The following DIS3L2 variants were observed in gnomAD, a reference collection of about 807,000 sequenced individuals.
The protein encoded by DIS3L2 is DIS3 like 3'-5' exoribonuclease 2.
DIS3L2 carries 34 observed loss-of-function variants against 97.5 expected under a neutral mutation model. The observed-to-expected ratio is 0.35, with a 90% confidence interval of 0.27 to 0.46. The LOEUF is 0.46. DIS3L2 is among the 20% of genes least tolerant of loss of function. The pLI, the probability that DIS3L2 is intolerant of heterozygous loss-of-function variation, is 1.00. For missense variants in DIS3L2, 1,038 were observed against 1,146.0 expected (o/e 0.91, Z 1.36); for synonymous variants, 435 against 445.2 (o/e 0.98, Z 0.29).
At chr2:231,981,148 T>C (rs1361506669) in intron 1 of DIS3L2, among the ~76,000 whole-genome samples, 1 of 152,138 alleles carries the variant, frequency 6.6e-6, no homozygotes, top group Non-Finnish European at 1.5e-5. Flanking sequence ...TTCTCCATGT[T>C]GGGCAGGCTA....
chr2:232,338,101 C>G (rs1371172779), downstream of DIS3L2, among the ~76,000 whole-genome samples: 3 of 152,044 alleles, frequency 2.0e-5, no homozygotes, highest in African/African-American at 7.2e-5. Flanking sequence ...GGGTGCTGCC[C>G]CAGCCCAGGC....
intron 5 of DIS3L2, among the ~76,000 whole-genome samples, chr2:232,057,116 G>A (rs1695567003): frequency 6.6e-6 from 1 of 152,170 alleles, no homozygotes; most frequent in African/African-American, 2.4e-5. Flanking sequence ...CAGCAATTAA[G>A]TATGAATCTA....
At chr2:232,253,487 TAGCAC>T (rs1375240810) in intron 12 of DIS3L2, among the ~76,000 whole-genome samples, 1 of 152,172 alleles carries the variant, frequency 6.6e-6, no homozygotes, top group African/African-American at 2.4e-5. Context: ...TTAATATACA[TAGCAC>T]ACAGAAAAAC....
chr2:232,250,237 G>C (rs984134693), intron 12 of DIS3L2, among the ~76,000 whole-genome samples: 1 of 152,120 alleles, frequency 6.6e-6, no homozygotes, highest in South Asian at 2.1e-4. Context: ...AGTAAAAAAA[G>C]ATATTTAATT....
intron 1 of DIS3L2, among the ~76,000 whole-genome samples, chr2:231,976,893 G>T (rs927836332): frequency 6.8e-6 from 1 of 148,000 alleles, no homozygotes; most frequent in Non-Finnish European, 1.5e-5. Flanking sequence ...TCAGCCTCCC[G>T]AGTAGCTGGG....
intron 1 of DIS3L2, among the ~76,000 whole-genome samples, chr2:231,979,454 A>G (rs916114762): frequency 3.3e-5 from 5 of 151,984 alleles, no homozygotes; most frequent in Non-Finnish European, 7.4e-5. Flanking sequence ...ATGGGGTTTC[A>G]CCATGTTGCC....
At chr2:232,200,639 A>G (rs1417144915) in intron 9 of DIS3L2, among the ~76,000 whole-genome samples, 2 of 152,196 alleles carry the variant, frequency 1.3e-5, no homozygotes, top group Non-Finnish European at 2.9e-5. Flanking sequence ...AATTGGGGGC[A>G]GGAAAAAACT....
intron 14 of DIS3L2, among the ~76,000 whole-genome samples, chr2:232,311,757 A>G (rs1184937764): frequency 2.0e-5 from 3 of 152,136 alleles, no homozygotes; most frequent in Non-Finnish European, 4.4e-5. Context: ...TTTCAGCATT[A>G]TATTTGTGAG....
downstream of DIS3L2, among the ~76,000 whole-genome samples, chr2:232,342,096 C>CTG (rs59097449): frequency 7.7e-3 from 1,153 of 149,740 alleles, 9 homozygotes; most frequent in Non-Finnish European, 9.9e-3. Flanking sequence ...CATCAGTAGG[C>CTG]TGTGTGTGTG....
rs1002841347 is a variant in DIS3L2 at position 232,029,859 on chromosome 2, G to A, written c.265-120G>A. On this transcript the variant is annotated intron_variant, in intron 4 of 20. Coordinates refer to ENST00000325385, the MANE Select transcript of DIS3L2 (RefSeq NM_152383.5). ...GGTATCAGCATGCTTTATTTAATAC[G>A]AAAAAGGATAACCTAAGAATAACTT... 20 of 697,756 alleles carry A rather than the reference G, an allele frequency of 2.9e-5. No homozygotes were observed. In the East Asian group the frequency reaches 4.2e-4, roughly 15 times the overall value. 43.2% of individuals were successfully genotyped at this position (697,756 alleles called of 1,614,324 possible).
intron 11 of DIS3L2, among the ~76,000 whole-genome samples, chr2:232,241,455 A>G (rs956979696): frequency 2.0e-5 from 3 of 152,224 alleles, no homozygotes; most frequent in African/African-American, 4.8e-5. Flanking sequence ...TAATTGGGGG[A>G]TTAACCCATG....
chr2:232,118,130 C>A (rs766395465), intron 6 of DIS3L2, among the ~76,000 whole-genome samples: 1 of 152,194 alleles, frequency 6.6e-6, no homozygotes, highest in Non-Finnish European at 1.5e-5. Context: ...CTCCATGGGC[C>A]TCTCTATGTG....
At chr2:232,198,240 A>AG (rs1364506592) in intron 9 of DIS3L2, among the ~76,000 whole-genome samples, 2 of 152,156 alleles carry the variant, frequency 1.3e-5, no homozygotes, top group African/African-American at 4.8e-5. Context: ...TAGGAAATAG[A>AG]GAAAAAAAAG....
chr2:232,330,990 G>C (rs1695721177), intron 16 of DIS3L2, among the ~76,000 whole-genome samples: 1 of 152,222 alleles, frequency 6.6e-6, no homozygotes, highest in South Asian at 2.1e-4. Context: ...TTGAGTTTGA[G>C]CCGCTGTCTC....
chr2:232,017,229 G>A (rs1694379636), intron 3 of DIS3L2, among the ~76,000 whole-genome samples: 1 of 152,106 alleles, frequency 6.6e-6, no homozygotes, highest in Admixed American at 6.6e-5. Flanking sequence ...TAGGATTACA[G>A]AAGGTAAAAA....
chr2:232,261,087 G>T (rs572626303), intron 12 of DIS3L2, among the ~76,000 whole-genome samples: 67 of 152,090 alleles, frequency 4.4e-4, no homozygotes, highest in Non-Finnish European at 8.4e-4. Context: ...TTCTCCTCAG[G>T]CCCTCAAACT....
intron 6 of DIS3L2, among the ~76,000 whole-genome samples, chr2:232,091,125 T>G (rs1376771072): frequency 2.0e-5 from 3 of 152,240 alleles, no homozygotes; most frequent in African/African-American, 7.2e-5. Flanking sequence ...GTAGCTTTGT[T>G]GTTAGCATAG....
intron 6 of DIS3L2, among the ~76,000 whole-genome samples, chr2:232,125,353 A>T (rs1298132492): frequency 6.6e-6 from 1 of 152,032 alleles, no homozygotes; most frequent in Non-Finnish European, 1.5e-5. Flanking sequence ...CACTGGGTTG[A>T]CTCCAGCATT....
chr2:231,996,019 G>A (rs577702686), intron 1 of DIS3L2, among the ~76,000 whole-genome samples: 1 of 152,334 alleles, frequency 6.6e-6, no homozygotes, highest in Non-Finnish European at 1.5e-5. Context: ...GGCATCTTTA[G>A]TACTGCCCTC....
Sources: allele counts gnomAD v4.1 joint callset (sites outside exome capture counted in the v4.1 genomes callset), GRCh38; gene constraint gnomAD v4.1.1; transcripts MANE v1.5; gene names NCBI Gene and HGNC (gene_info 2026-07-23, HGNC 2026-07-21).